Variants in SREBF2 observed in about 807,000 individuals in gnomAD.
The protein encoded by SREBF2 is sterol regulatory element-binding protein 2.
A neutral mutation model predicts 113.1 loss-of-function variants in SREBF2; 55 were observed. That is an observed-to-expected ratio of 0.49 (90% CI 0.39 to 0.61). SREBF2 has a LOEUF of 0.61. SREBF2 is among the 20% of genes least tolerant of loss of function. SREBF2 has a pLI of 0.00. For missense variants in SREBF2, 1,349 were observed against 1,487.4 expected, an observed-to-expected ratio of 0.91 and a Z score of 1.53; for synonymous variants, 593 against 605.7, an observed-to-expected ratio of 0.98 and a Z score of 0.31.
rs2077512637 is a variant in SREBF2 at position 41,906,750 on chromosome 22, G to C, written c.*1090G>C. ...GAAAATAAATAAACCAGGATGGCAG[G>C]GACCAACCCCTAATCCCTCCCCAGC... On this transcript the variant is annotated 3_prime_UTR_variant, in exon 19 of 19. Transcript: ENST00000361204. 1 of 152,074 alleles carries C rather than the reference G, an allele frequency of 6.6e-6. No homozygotes were observed. Among genetic ancestry groups the C allele is most frequent in the Non-Finnish European group, 1.5e-5 (1 of 67,998 alleles). The allele number at this position is 152,074 out of a possible 1,614,324, so 9.4% of individuals were successfully genotyped here. A position where few individuals can be genotyped will look rare whatever the true frequency, so the allele number is the denominator to read the frequency against.
Position 41,867,130 on chromosome 22 carries a change from A to G in SREBF2, c.388A>G (p.Ile130Val), listed in dbSNP as rs372705595. The change falls in exon 2 of 19, where the codon ATT (isoleucine) becomes GTT (valine). Residue 130 changes from isoleucine (I) to valine (V), a missense_variant. Transcript: ENST00000361204. ...SVPTTPRATP[I>V]LQPRPQPQPQ... ...TCCCACCACACCCAGGGCAACTCCT[A>G]TTCTTCAGCCCCGCCCCCAGCCCCA... is the stretch of plus-strand genomic sequence containing the variant. The G allele has an allele frequency of 1.9e-6, 3 of 1,614,124 alleles. No homozygotes were observed. Among genetic ancestry groups the G allele is most frequent in the Non-Finnish European group, 2.5e-6 (3 of 1,180,024 alleles).
intron 11 of SREBF2, chr22:41,885,543 G>T: frequency 5.4e-6 from 1 of 186,782 alleles, no homozygotes; most frequent in East Asian, 1.3e-4. Context: ...TGTCTACAAG[G>T]AGCTCAGGTC....
At chr22:41,878,588 A>G in intron 9 of SREBF2, 2 of 1,061,236 alleles carry the variant, frequency 1.9e-6, no homozygotes, top group Non-Finnish European at 2.6e-6. Context: ...CTTTATTCCC[A>G]ATTCTCTATA....
intron 1 of SREBF2, among the ~76,000 whole-genome samples, chr22:41,865,721 C>T (rs1023858264): frequency 2.0e-5 from 3 of 152,098 alleles, no homozygotes; most frequent in East Asian, 1.9e-4. Flanking sequence ...CTAGCATGGG[C>T]CCTGGGAAGC....
chr22:41,865,152 C>T (rs1039382777), intron 1 of SREBF2, among the ~76,000 whole-genome samples: 14 of 150,982 alleles, frequency 9.3e-5, no homozygotes, highest in Admixed American at 6.0e-4. Context: ...AAAAAACACA[C>T]ACACACACAC....
chr22:41,897,198 T>C lies in SREBF2; in HGVS notation c.2605+37T>C, dbSNP rs754605163. ...CGGGTGGCCCACAGTCTCAGGGTGC[T>C]CAGTTCAGGTCTTCACAGTGCTTTT... On this transcript the variant is annotated intron_variant, in intron 14 of 18. Coordinates refer to ENST00000361204, the MANE Select transcript of SREBF2 (RefSeq NM_004599.4). 4.9e-6 allele frequency: 7 copies of C among 1,432,802 alleles called. No homozygotes were observed. In the African/African-American group the frequency reaches 9.8e-5, roughly 20 times the overall value. The allele number at this position is 1,432,802 out of a possible 1,614,324, so 88.8% of individuals were successfully genotyped here.
At chr22:41,838,963 G>A (rs908714074) in intron 1 of SREBF2, among the ~76,000 whole-genome samples, 1 of 152,090 alleles carries the variant, frequency 6.6e-6, no homozygotes, top group Non-Finnish European at 1.5e-5. Flanking sequence ...TGCAGTACCT[G>A]GCACTGACTA....
intron 9 of SREBF2, among the ~76,000 whole-genome samples, chr22:41,879,240 A>G (rs964214195): frequency 6.6e-6 from 1 of 152,230 alleles, no homozygotes; most frequent in Non-Finnish European, 1.5e-5. Flanking sequence ...TTTGAACTGA[A>G]TAAGTATTTG....
intron 10 of SREBF2, among the ~76,000 whole-genome samples, chr22:41,884,218 C>G (rs979328085): frequency 1.3e-5 from 2 of 152,230 alleles, no homozygotes; most frequent in African/African-American, 4.8e-5. Flanking sequence ...TCACTGCAAC[C>G]TCCGCATCGC....
chr22:41,906,219 A>G lies in SREBF2; in HGVS notation c.*559A>G, dbSNP rs988091097. 14 of 340,522 alleles carry G rather than the reference A, an allele frequency of 4.1e-5. No individual in the cohort carries two copies. Among genetic ancestry groups the G allele is most frequent in the Non-Finnish European group, 2.3e-5 (4 of 174,838 alleles). 21.1% of individuals were successfully genotyped at this position (340,522 alleles called of 1,614,324 possible). A position where few individuals can be genotyped will look rare whatever the true frequency, so the allele number is the denominator to read the frequency against. On this transcript the variant is annotated 3_prime_UTR_variant, in exon 19 of 19. Transcript: ENST00000361204. Reference sequence around the variant, plus strand: ...CCCCTGGGCCTGACTGAGCCTGCTCATTGTTTTTCCCTTTATTACACAGGA... The same window carrying G: ...CCCCTGGGCCTGACTGAGCCTGCTCGTTGTTTTTCCCTTTATTACACAGGA...
Position 41,907,269 on chromosome 22 carries a change from C to G in SREBF2, c.*1609C>G, listed in dbSNP as rs994282761. ...TGTTCAATCAATCAGTCACTGTGTC[C>G]CAGACATATTCAATAAACACAGATT... is the stretch of plus-strand genomic sequence containing the variant. On this transcript the variant is annotated 3_prime_UTR_variant, in exon 19 of 19. Transcript: ENST00000361204. The G allele has an allele frequency of 2.0e-5, 3 of 152,192 alleles. No homozygotes were observed. Among genetic ancestry groups the G allele is most frequent in the Non-Finnish European group, 4.4e-5 (3 of 68,064 alleles). 9.4% of individuals were successfully genotyped at this position (152,192 alleles called of 1,614,324 possible).
At chr22:41,866,105 C>T (rs1244026878) in intron 1 of SREBF2, among the ~76,000 whole-genome samples, 8 of 152,170 alleles carry the variant, frequency 5.3e-5, no homozygotes, top group Non-Finnish European at 8.8e-5. Flanking sequence ...GGTGGCCTCA[C>T]AAGCCAAAAC....
chr22:41,873,046 A>T (rs974479477), intron 4 of SREBF2, among the ~76,000 whole-genome samples: 15 of 151,968 alleles, frequency 9.9e-5, no homozygotes, highest in African/African-American at 3.6e-4. Flanking sequence ...AAAAATACAA[A>T]ATTAGCCAGG....
chr22:41,893,394 T>C, intron 12 of SREBF2, 109 bp downstream of exon 12: 1 of 1,232,620 alleles, frequency 8.1e-7, no homozygotes, highest in South Asian at 1.2e-5. Flanking sequence ...CTTAATCTTG[T>C]TGAGTCCGTT....
In SREBF2 at chr22:41,836,945, A is replaced by G. The variant is rs78017061; in HGVS notation, c.88+3587A>G. Among the ~76,000 whole-genome samples, 372 of 152,310 alleles carry G rather than the reference A, an allele frequency of 2.4e-3. 2 individuals carry two copies. The highest frequency in any genetic ancestry group is 6.8e-3 in the Middle Eastern group (2 of 294). On this transcript the variant is annotated intron_variant, in intron 1 of 18. Coordinates refer to ENST00000361204, the MANE Select transcript of SREBF2 (RefSeq NM_004599.4). ...TCCAGTCCATTGGTACCCTTCAAGG[A>G]TATGGGCTCAGGGAGGCCACATTCA...
rs1469001294 is a variant in SREBF2, at chr22:41,867,029, C to T, written c.287C>T (p.Thr96Ile). ...PSVQRSFTQV[T>I]LPSFSPSAAS... ...GTGCAACGGTCATTCACCCAGGTCA[C>T]ATTACCTTCCTTCTCTCCCTCGGCG... is the stretch of plus-strand genomic sequence containing the variant. Residue 96 changes from threonine to isoleucine, a missense_variant, in exon 2 of 19, where the codon ACA becomes ATA. Physicochemically the swap from Thr to Ile is moderately conservative, Grantham distance 89. Around this residue, in one of 2 missense-constraint regions of SREBF2, gnomAD observed 699 missense variants for 843.3 expected, o/e 0.83. Coordinates refer to ENST00000361204, the MANE Select transcript of SREBF2 (RefSeq NM_004599.4). The T allele has an allele frequency of 5.6e-6, 9 of 1,614,192 alleles. No homozygotes were observed. Among genetic ancestry groups the T allele is most frequent in the South Asian group, 1.1e-5 (1 of 91,084 alleles).
chr22:41,849,760 C>G, intron 1 of SREBF2, among the ~76,000 whole-genome samples: 1 of 152,156 alleles, frequency 6.6e-6, no homozygotes, highest in East Asian at 1.9e-4. Flanking sequence ...TCAAAAATAC[C>G]TTTTCCCCAT....
chr22:41,875,479 G>T, intron 6 of SREBF2, 28 bp downstream of exon 6: 1 of 1,614,210 alleles, frequency 6.2e-7, no homozygotes, highest in Non-Finnish European at 8.5e-7. Context: ...AGGCTTGTCA[G>T]CCCTGGCCCA....
intron 13 of SREBF2, among the ~76,000 whole-genome samples, chr22:41,896,262 T>C (rs558887590): frequency 6.6e-6 from 1 of 152,304 alleles, no homozygotes; most frequent in South Asian, 2.1e-4. Context: ...AATTTTTCTC[T>C]CTGACATACT....
Sources: gnomAD v4.1 joint callset for allele counts (sites outside exome capture counted in the v4.1 genomes callset) on GRCh38, gnomAD v4.1.1 for gene constraint, gnomAD v4.1.1 regional missense constraint, MANE v1.5 for transcripts, NCBI Gene and HGNC (gene_info 2026-07-23, HGNC 2026-07-21) for gene names.